The following FAM184A variants were observed in gnomAD, a reference collection of about 807,000 sequenced individuals.
The protein encoded by FAM184A is protein FAM184A.
A neutral mutation model predicts 143.8 loss-of-function variants in FAM184A; 99 were observed. That is an observed-to-expected ratio of 0.69 (90% CI 0.58 to 0.81). The LOEUF (loss-of-function observed/expected upper bound fraction) is 0.81. Ranked by LOEUF, FAM184A falls within the 40% of genes least tolerant of loss-of-function variation. FAM184A has a pLI of 0.00. For missense variants in FAM184A, 1,217 were observed against 1,310.5 expected, an observed-to-expected ratio of 0.93 and a Z score of 1.10; for synonymous variants, 427 against 446.4, an observed-to-expected ratio of 0.96 and a Z score of 0.55.
chr6:118,994,682 T>C (rs1264846107), intron 9 of FAM184A, among the ~76,000 whole-genome samples: 2 of 124,442 alleles, frequency 1.6e-5, no homozygotes, highest in Non-Finnish European at 3.3e-5. Context: ...CGAGACTCCA[T>C]CTCTAAATAA....
intron 1 of FAM184A, among the ~76,000 whole-genome samples, chr6:119,025,198 A>C (rs1372290997): frequency 1.3e-5 from 2 of 152,190 alleles, no homozygotes; most frequent in African/African-American, 4.8e-5. Flanking sequence ...CAGGAGAAAA[A>C]GTCTCATAGT....
chr6:119,130,491 G>T (rs1789507306), intron 1 of FAM184A, among the ~76,000 whole-genome samples: 1 of 152,166 alleles, frequency 6.6e-6, no homozygotes, highest in African/African-American at 2.4e-5. Flanking sequence ...GATTGTCACA[G>T]GGGAGGATTT....
At chr6:119,054,711 T>G (rs1253261501) in intron 1 of FAM184A, among the ~76,000 whole-genome samples, 1 of 152,184 alleles carries the variant, frequency 6.6e-6, no homozygotes, top group African/African-American at 2.4e-5. Context: ...TAACCGTCAC[T>G]AAACCTAAGT....
chr6:119,068,693 T>C (rs996311344), intron 1 of FAM184A, among the ~76,000 whole-genome samples: 40 of 152,148 alleles, frequency 2.6e-4, no homozygotes, highest in African/African-American at 6.8e-4. Flanking sequence ...CGGCTGCCCA[T>C]GAGAAACCTA....
rs532552719 is a variant in FAM184A at position 119,093,816 on chromosome 6, AAGTCTG to A, written c.-202+55256_-202+55261del. On this transcript the variant is annotated intron_variant, in intron 1 of 16. Coordinates refer to the FAM184A transcript ENST00000352896. Reference sequence around the variant, plus strand: ...ATATCCTCACAGAGGCCTTCATCCCAAGTCTGAGTCCCACTGTTTCCCTATCAAAGC... The same window carrying A: ...ATATCCTCACAGAGGCCTTCATCCCAAGTCCCACTGTTTCCCTATCAAAGC... Among the ~76,000 whole-genome samples, 175 of 152,278 alleles carry A rather than the reference AAGTCTG, an allele frequency of 1.1e-3. 1 individual carries two copies. Among genetic ancestry groups the A allele is most frequent in the African/African-American group, 4.1e-3 (172 of 41,548 alleles).
intron 1 of FAM184A, among the ~76,000 whole-genome samples, chr6:119,096,293 C>T (rs1788504835): frequency 6.6e-6 from 1 of 152,142 alleles, no homozygotes; most frequent in Admixed American, 6.5e-5. Flanking sequence ...GATTTTGTAA[C>T]GTGGTACTGC....
intron 1 of FAM184A, among the ~76,000 whole-genome samples, chr6:119,096,642 C>CAAAAAAAAAAAAA (rs763619775): frequency 3.4e-4 from 7 of 20,644 alleles, no homozygotes; most frequent in Non-Finnish European, 4.0e-4. Flanking sequence ...GACTCCATCT[C>CAAAAAAAAAAAAA]AAAAAAAAAA....
chr6:119,105,435 G>A (rs1356368607), intron 1 of FAM184A, among the ~76,000 whole-genome samples: 4 of 152,202 alleles, frequency 2.6e-5, no homozygotes, highest in Middle Eastern at 3.4e-3. Flanking sequence ...CCCCTCACTC[G>A]CTGTCTCTCC....
At chr6:119,079,900 C>T (rs1045766152), upstream of FAM184A, among the ~76,000 whole-genome samples, 12 of 152,200 alleles carry the variant, frequency 7.9e-5, no homozygotes, top group African/African-American at 2.4e-4. Context: ...CTCAGTCCCC[C>T]TTAAATAGAC....
At chr6:118,991,714 A>G (rs887187382) in intron 9 of FAM184A, among the ~76,000 whole-genome samples, 4 of 148,896 alleles carry the variant, frequency 2.7e-5, no homozygotes, top group African/African-American at 9.9e-5. Flanking sequence ...GAATAACGGA[A>G]TAACAGCCTG....
intron 1 of FAM184A, among the ~76,000 whole-genome samples, chr6:119,057,508 A>G (rs2114759607): frequency 6.6e-6 from 1 of 152,308 alleles, no homozygotes; most frequent in East Asian, 1.9e-4. Context: ...GGAGGCCAAG[A>G]CAAGAGGATT....
At chr6:119,132,117 A>G (rs767335294) in intron 1 of FAM184A, among the ~76,000 whole-genome samples, 14 of 152,314 alleles carry the variant, frequency 9.2e-5, no homozygotes, top group Middle Eastern at 6.8e-3. Context: ...TTGCTCCCCC[A>G]TAAAACATTC....
chr6:119,050,552 A>G (rs1403471103), intron 1 of FAM184A, among the ~76,000 whole-genome samples: 2 of 151,582 alleles, frequency 1.3e-5, no homozygotes, highest in Non-Finnish European at 2.9e-5. Flanking sequence ...CACGCCTGTA[A>G]TCCCAGCACT....
At chr6:118,981,513 G>A (rs1784022133) in intron 9 of FAM184A, among the ~76,000 whole-genome samples, 6 of 152,180 alleles carry the variant, frequency 3.9e-5, no homozygotes. Flanking sequence ...TTGATGGAAG[G>A]CAGACATAAG....
intron 17 of FAM184A, chr6:118,960,968 T>C (rs1374576042): frequency 2.2e-6 from 1 of 456,276 alleles, no homozygotes; most frequent in Admixed American, 4.1e-5. Flanking sequence ...ATTTTTTTTG[T>C]TAATCATTAA....
At chr6:119,113,928 A>T (rs1219665808) in intron 1 of FAM184A, among the ~76,000 whole-genome samples, 1 of 152,302 alleles carries the variant, frequency 6.6e-6, no homozygotes, top group African/African-American at 2.4e-5. Flanking sequence ...AGTGACAGAG[A>T]AACTATGTCT....
At chr6:119,099,954 A>G (rs564196941) in intron 1 of FAM184A, among the ~76,000 whole-genome samples, 2 of 152,342 alleles carry the variant, frequency 1.3e-5, no homozygotes, top group African/African-American at 4.8e-5. Flanking sequence ...AGTCAGAAGC[A>G]CTGGTGAAAG....
At chr6:119,053,493 A>G (rs78954727) in intron 1 of FAM184A, among the ~76,000 whole-genome samples, 4,021 of 152,266 alleles carry the variant, frequency 0.026, 67 homozygotes, top group Non-Finnish European at 0.039. Context: ...AAATTTCTCT[A>G]TGTAACAGCC....
chr6:118,972,215 T>G (rs1231078775), intron 14 of FAM184A, among the ~76,000 whole-genome samples: 1 of 152,218 alleles, frequency 6.6e-6, no homozygotes. Context: ...ATTGTAGCCA[T>G]TAGTCTGCAT....
Sources: allele counts gnomAD v4.1 joint callset (sites outside exome capture counted in the v4.1 genomes callset), GRCh38; gene constraint gnomAD v4.1.1; transcripts MANE v1.5; gene names NCBI Gene and HGNC (gene_info 2026-07-23, HGNC 2026-07-21).